Variants in GABRB3 observed in about 807,000 individuals in gnomAD.
GABRB3 encodes the protein gamma-aminobutyric acid receptor subunit beta-3.
A neutral mutation model predicts 52.1 loss-of-function variants in GABRB3; 14 were observed. The observed-to-expected ratio is 0.27, with a 90% CI of 0.18 to 0.42. The LOEUF is 0.42. Ranked by LOEUF, GABRB3 falls within the 10% of genes least tolerant of loss-of-function variation. GABRB3 has a pLI of 1.00. For missense variants in GABRB3, 307 were observed against 609.1 expected (o/e 0.50, Z 5.22); for synonymous variants, 260 against 232.3 (o/e 1.12, Z -1.08).
chr15:26,754,972 A>G (rs942572074), intron 3 of GABRB3, among the ~76,000 whole-genome samples: 1 of 150,988 alleles, frequency 6.6e-6, no homozygotes, highest in African/African-American at 2.4e-5. Flanking sequence ...ACCATATGGA[A>G]CTCCAGATAA....
chr15:26,594,678 T>C (rs373572687), intron 4 of GABRB3, among the ~76,000 whole-genome samples: 5 of 152,164 alleles, frequency 3.3e-5, no homozygotes, highest in African/African-American at 1.2e-4. Context: ...TTCTTTATTA[T>C]TATTTACTTA....
intron 3 of GABRB3, among the ~76,000 whole-genome samples, chr15:26,631,331 G>A (rs545263421): frequency 1.3e-5 from 2 of 152,274 alleles, no homozygotes; most frequent in African/African-American, 2.4e-5. Flanking sequence ...ATCTCTTGGC[G>A]TTTATGACAT....
upstream of GABRB3, chr15:26,773,537 C>G: frequency 1.3e-6 from 1 of 753,470 alleles, no homozygotes; most frequent in East Asian, 3.4e-5. Flanking sequence ...GACCACCGCC[C>G]GCTGCAGCGC....
chr15:26,661,369 T>C (rs1887545057), intron 3 of GABRB3, among the ~76,000 whole-genome samples: 1 of 152,104 alleles, frequency 6.6e-6, no homozygotes, highest in Non-Finnish European at 1.5e-5. Flanking sequence ...TTGCCTCCCC[T>C]TAATTATTTG....
At chr15:26,647,173 CAG>C (rs1348656845) in intron 3 of GABRB3, among the ~76,000 whole-genome samples, 1 of 152,206 alleles carries the variant, frequency 6.6e-6, no homozygotes, top group Non-Finnish European at 1.5e-5. Context: ...AATATCTATT[CAG>C]ATTCTTTGCC....
intron 6 of GABRB3, among the ~76,000 whole-genome samples, chr15:26,579,944 G>C (rs1486890154): frequency 6.6e-6 from 1 of 152,198 alleles, no homozygotes; most frequent in African/African-American, 2.4e-5. Flanking sequence ...CTCTTGGGAG[G>C]AGAACAGCAC....
intron 3 of GABRB3, among the ~76,000 whole-genome samples, chr15:26,654,024 A>G (rs1787990354): frequency 6.6e-6 from 1 of 152,270 alleles, no homozygotes; most frequent in African/African-American, 2.4e-5. Context: ...AAAGAACACC[A>G]GGAAATAATA....
At chr15:26,765,581 G>C (rs980445387) in intron 3 of GABRB3, among the ~76,000 whole-genome samples, 1 of 151,950 alleles carries the variant, frequency 6.6e-6, no homozygotes, top group Admixed American at 6.6e-5. Context: ...TTATTCATTT[G>C]TTTATTCTTC....
intron 3 of GABRB3, among the ~76,000 whole-genome samples, chr15:26,754,618 T>TC (rs113250429): frequency 6.6e-6 from 1 of 152,188 alleles, no homozygotes; most frequent in African/African-American, 2.4e-5. Context: ...ACTTTTTTTT[T>TC]CTCATTAACT....
chr15:26,597,179 T>C (rs1891423220), intron 4 of GABRB3, among the ~76,000 whole-genome samples: 1 of 152,164 alleles, frequency 6.6e-6, no homozygotes, highest in South Asian at 2.1e-4. Flanking sequence ...CAGTGAGTTT[T>C]GGAACTCAAG....
At chr15:26,724,361 T>C (rs1169287325) in intron 3 of GABRB3, among the ~76,000 whole-genome samples, 2 of 152,186 alleles carry the variant, frequency 1.3e-5, no homozygotes, top group Non-Finnish European at 2.9e-5. Context: ...AGCTGAGTTC[T>C]TGGCCATTAT....
chr15:26,616,158 C>A, intron 4 of GABRB3: 4 of 1,119,710 alleles, frequency 3.6e-6, no homozygotes, highest in Non-Finnish European at 4.8e-6. Context: ...AGTAAAAAGA[C>A]ACGGGAGGGA....
chr15:26,558,933 G>T (rs544534542), intron 8 of GABRB3, among the ~76,000 whole-genome samples: 1 of 152,334 alleles, frequency 6.6e-6, no homozygotes, highest in East Asian at 1.9e-4. Context: ...AGCTGTACAG[G>T]AAGCATGGTG....
At chr15:26,599,141 T>C (rs536832205) in intron 4 of GABRB3, among the ~76,000 whole-genome samples, 2 of 152,316 alleles carry the variant, frequency 1.3e-5, no homozygotes, top group South Asian at 4.1e-4. Flanking sequence ...CTATGCACTT[T>C]AGAAAAGTGA....
At position 26,673,516 on chromosome 15, in the gene GABRB3, T is replaced by C. The variant is rs140231474; in HGVS notation, c.241-51982A>G. Among the ~76,000 whole-genome samples, 1,051 of 152,322 alleles carry C rather than the reference T, an allele frequency of 6.9e-3. 15 individuals are homozygous for C. The highest frequency in any genetic ancestry group is 0.025 in the African/African-American group (1,022 of 41,542). On this transcript the variant is annotated intron_variant, in intron 3 of 8. Transcript: ENST00000311550. Reference sequence around the variant, plus strand: ...GTACTTGGAGTATAGTAAGATAGAATGGTAACCTCAAAATCCTGGCCATAC... The same window carrying C: ...GTACTTGGAGTATAGTAAGATAGAACGGTAACCTCAAAATCCTGGCCATAC...
chr15:26,640,281 G>A (rs1251078037), intron 3 of GABRB3, among the ~76,000 whole-genome samples: 1 of 152,158 alleles, frequency 6.6e-6, no homozygotes, highest in Non-Finnish European at 1.5e-5. Context: ...ACTTTGGGAG[G>A]CCGAGGCAGG....
intron 3 of GABRB3, among the ~76,000 whole-genome samples, chr15:26,697,543 G>C (rs1419549621): frequency 2.0e-5 from 3 of 152,088 alleles, no homozygotes; most frequent in Non-Finnish European, 4.4e-5. Context: ...AAGTCCTCCA[G>C]TGAAGCAGGA....
chr15:26,743,861 C>T (rs1242908670), intron 3 of GABRB3, among the ~76,000 whole-genome samples: 1 of 152,178 alleles, frequency 6.6e-6, no homozygotes, highest in Non-Finnish European at 1.5e-5. Context: ...ATATCAACAG[C>T]AATTTGTATG....
At chr15:26,595,391 A>C (rs1891361997) in intron 4 of GABRB3, among the ~76,000 whole-genome samples, 1 of 152,120 alleles carries the variant, frequency 6.6e-6, no homozygotes. Context: ...CAAAACCAAA[A>C]CAACCCCTGC....
Sources: allele counts gnomAD v4.1 joint callset (sites outside exome capture counted in the v4.1 genomes callset), GRCh38; gene constraint gnomAD v4.1.1; transcripts MANE v1.5; gene names NCBI Gene and HGNC (gene_info 2026-07-23, HGNC 2026-07-21).